Variants in TFG observed in about 807,000 individuals in gnomAD.
TFG encodes protein TFG.
A neutral mutation model predicts 51.4 loss-of-function variants in TFG; 22 were observed. The observed-to-expected ratio is 0.43, with a 90% CI of 0.31 to 0.61. The LOEUF is 0.61. Ranked by LOEUF, TFG falls within the 20% of genes least tolerant of loss-of-function variation. TFG has a pLI of 0.12. For synonymous variants in TFG, 187 were observed against 165.6 expected (o/e 1.13, Z -0.99); for missense variants, 419 against 487.7 (o/e 0.86, Z 1.33).
chr3:100,722,167 A>G (rs2149069535), intron 3 of TFG, among the ~76,000 whole-genome samples: 1 of 152,284 alleles, frequency 6.6e-6, no homozygotes, highest in African/African-American at 2.4e-5. Context: ...AACAAAACAA[A>G]ACGAGAACAT....
chr3:100,729,024 CAT>C, intron 4 of TFG, among the ~76,000 whole-genome samples, 166 bp downstream of exon 4: 1 of 152,300 alleles, frequency 6.6e-6, no homozygotes, highest in Admixed American at 6.5e-5. Context: ...CTTTGCTGTT[CAT>C]CAGAATTACT....
intron 5 of TFG, among the ~76,000 whole-genome samples, chr3:100,733,721 T>G (rs1576370399): frequency 6.6e-6 from 1 of 152,280 alleles, no homozygotes; most frequent in African/African-American, 2.4e-5. Flanking sequence ...TGTAGTGACT[T>G]GGACTTATAT....
chr3:100,726,981 G>C (rs1196057175), intron 3 of TFG, among the ~76,000 whole-genome samples: 3 of 152,140 alleles, frequency 2.0e-5, no homozygotes, highest in Non-Finnish European at 4.4e-5. Flanking sequence ...AGCTGCAGTT[G>C]GTAAAGTAGT....
At chr3:100,717,367 G>C (rs1310026103) in intron 2 of TFG, among the ~76,000 whole-genome samples, 2 of 152,108 alleles carry the variant, frequency 1.3e-5, no homozygotes, top group Non-Finnish European at 2.9e-5. Flanking sequence ...TCTTTGCTCA[G>C]TATTGCTTTG....
At chr3:100,724,856 C>T (rs1301877680) in intron 3 of TFG, among the ~76,000 whole-genome samples, 3 of 152,148 alleles carry the variant, frequency 2.0e-5, no homozygotes, top group Admixed American at 1.3e-4. Flanking sequence ...TAAAGAAAAG[C>T]CATTCATATC....
At chr3:100,731,024 T>A (rs984892153) in intron 4 of TFG, among the ~76,000 whole-genome samples, 1 of 152,186 alleles carries the variant, frequency 6.6e-6, no homozygotes. Flanking sequence ...TTAGAAAATA[T>A]TAGGGTAGCC....
intron 5 of TFG, 92 bp from the exon 6 acceptor site, chr3:100,736,484 C>T (rs1161259057): frequency 2.2e-6 from 3 of 1,390,798 alleles, no homozygotes; most frequent in African/African-American, 1.4e-5. Flanking sequence ...TTCTATAGTA[C>T]TTTTAGTATC....
In TFG at chr3:100,731,875, C is replaced by T. The variant is rs114182138; in HGVS notation, c.416-633C>T. On this transcript the variant is annotated intron_variant, in intron 4 of 7. Coordinates refer to ENST00000240851, the MANE Select transcript of TFG (RefSeq NM_006070.6). ...CCTCCTGTATTATTTTGATGCAGAT[C>T]CCATATACATCATTTCATCTGTAAG... is the stretch of plus-strand genomic sequence containing the variant. 3.4e-3 allele frequency among the ~76,000 whole-genome samples: 522 copies of T among 152,166 alleles called. 5 individuals carry two copies. The highest frequency in any genetic ancestry group is 5.0e-3 in the Non-Finnish European group (342 of 67,992).
chr3:100,726,950 A>G (rs2095077681), intron 3 of TFG, among the ~76,000 whole-genome samples: 1 of 152,178 alleles, frequency 6.6e-6, no homozygotes, highest in Non-Finnish European at 1.5e-5. Context: ...CTGGAAGGTG[A>G]GAGGAATGAA....
chr3:100,728,119 C>G (rs916259397), intron 3 of TFG, among the ~76,000 whole-genome samples: 1 of 152,096 alleles, frequency 6.6e-6, no homozygotes, highest in Admixed American at 6.5e-5. Flanking sequence ...CAGGTGTGAG[C>G]CACCATGCCT....
chr3:100,740,090 T>A (rs1462490172), intron 6 of TFG, among the ~76,000 whole-genome samples: 2 of 152,204 alleles, frequency 1.3e-5, no homozygotes, highest in African/African-American at 4.8e-5. Flanking sequence ...GAGTCGTTTT[T>A]TCTAATAGCC....
At chr3:100,731,926 AATAC>A (rs1405414627) in intron 4 of TFG, among the ~76,000 whole-genome samples, 1 of 152,208 alleles carries the variant, frequency 6.6e-6, no homozygotes, top group Non-Finnish European at 1.5e-5. Context: ...TTTAATAAGT[AATAC>A]ATATTAAAAT....
chr3:100,718,373 T>C (rs2095051919), intron 2 of TFG, among the ~76,000 whole-genome samples: 1 of 152,138 alleles, frequency 6.6e-6, no homozygotes, highest in African/African-American at 2.4e-5. Context: ...TGTAGCTTTG[T>C]GGGTCACATA....
intron 7 of TFG, chr3:100,747,327 CAAATT>C (rs1188262986): frequency 6.9e-6 from 1 of 145,958 alleles, no homozygotes; most frequent in East Asian, 2.2e-4. Flanking sequence ...AGAATATACT[CAAATT>C]CATTCAATCC....
At chr3:100,735,992 G>T (rs541946821) in intron 5 of TFG, among the ~76,000 whole-genome samples, 1 of 152,174 alleles carries the variant, frequency 6.6e-6, no homozygotes, top group East Asian at 1.9e-4. Context: ...TAGAAGTGTG[G>T]AATTATAATT....
At chr3:100,727,241 G>T (rs536352581) in intron 3 of TFG, among the ~76,000 whole-genome samples, 2 of 152,264 alleles carry the variant, frequency 1.3e-5, no homozygotes, top group African/African-American at 4.8e-5. Flanking sequence ...ACCAGTTTCT[G>T]GCTGCTAGGA....
intron 5 of TFG, among the ~76,000 whole-genome samples, chr3:100,735,313 A>G (rs1297928031): frequency 6.6e-6 from 1 of 152,232 alleles, no homozygotes; most frequent in Non-Finnish European, 1.5e-5. Context: ...AGAGCAGAAG[A>G]TAGAGGTTTG....
chr3:100,748,494 G>T lies in TFG; in HGVS notation c.1166G>T (p.Gly389Val), dbSNP rs191501984. The T allele has an allele frequency of 4.3e-6, 7 of 1,613,956 alleles. 1 individual carries two copies. The South Asian group carries it at 7.7e-5, about 18-fold the overall frequency. The change falls in exon 8 of 8, where the codon GGT becomes GTT. Residue 389 changes from glycine (G) to valine (V), a missense_variant. Physicochemically the swap from Gly to Val is moderately radical, Grantham distance 109. Around this residue, in one of 3 missense-constraint regions of TFG, gnomAD observed 391 missense variants for 434.4 expected, o/e 0.90. Transcript: ENST00000240851. ...NPYARNRPPF[G>V]QGYTQPGPGY... ...TATGCGCGTAACCGTCCTCCCTTTGGTCAGGGCTATACCCAACCTGGACCT... is the reference window on the plus strand; with the variant it reads ...TATGCGCGTAACCGTCCTCCCTTTGTTCAGGGCTATACCCAACCTGGACCT...
intron 2 of TFG, among the ~76,000 whole-genome samples, chr3:100,718,600 T>C (rs57687306): frequency 0.029 from 4,086 of 143,260 alleles, 175 homozygotes; most frequent in African/African-American, 0.09. Flanking sequence ...CTTTGTCGTT[T>C]AGGCTGGAGT....
Sources: allele counts gnomAD v4.1 joint callset (sites outside exome capture counted in the v4.1 genomes callset), GRCh38; gene constraint gnomAD v4.1.1; regional missense constraint gnomAD v4.1.1; transcripts MANE v1.5; gene names NCBI Gene and HGNC (gene_info 2026-07-23, HGNC 2026-07-21).